The following MC2R variants were observed in gnomAD, a reference collection of about 807,000 sequenced individuals.
MC2R encodes adrenocorticotropic hormone receptor.
MC2R carries 9 observed loss-of-function variants against 9.8 expected under a neutral mutation model. The observed-to-expected ratio is 0.92, with a 90% CI of 0.55 to 1.60. The LOEUF is 1.60. MC2R is among the 40% of genes most tolerant of loss of function. The pLI, the probability that MC2R is intolerant of heterozygous loss-of-function variation, is 0.00. For missense variants in MC2R, 370 were observed against 389.0 expected, an observed-to-expected ratio of 0.95 and a Z score of 0.41; for synonymous variants, 185 against 154.7, an observed-to-expected ratio of 1.20 and a Z score of -1.45.
chr18:13,895,411 T>C (rs1219303062), intron 1 of MC2R, among the ~76,000 whole-genome samples: 1 of 152,186 alleles, frequency 6.6e-6, no homozygotes, highest in Non-Finnish European at 1.5e-5. Flanking sequence ...TGTCAAGTTC[T>C]GCAGAGTCCC....
At chr18:13,902,499 G>T (rs1367959511) in intron 1 of MC2R, among the ~76,000 whole-genome samples, 2 of 152,030 alleles carry the variant, frequency 1.3e-5, no homozygotes, top group African/African-American at 4.8e-5. Context: ...CAGACACATA[G>T]ACCAATGAAA....
intron 1 of MC2R, among the ~76,000 whole-genome samples, chr18:13,914,422 G>C (rs2045464577): frequency 6.6e-6 from 1 of 152,186 alleles, no homozygotes; most frequent in Admixed American, 6.5e-5. Flanking sequence ...TAAGGGTTCG[G>C]TACAGCTTGA....
chr18:13,906,223 C>T (rs1042297163), intron 1 of MC2R, among the ~76,000 whole-genome samples: 1 of 152,134 alleles, frequency 6.6e-6, no homozygotes, highest in Non-Finnish European at 1.5e-5. Flanking sequence ...ATATGGTACA[C>T]ATACATCATG....
At chr18:13,907,668 C>T (rs144366277) in intron 1 of MC2R, among the ~76,000 whole-genome samples, 125 of 152,270 alleles carry the variant, frequency 8.2e-4, no homozygotes, top group African/African-American at 2.8e-3. Context: ...GCTCAAACAA[C>T]TTAGCAGCAA....
chr18:13,895,664 A>G (rs927322743), intron 1 of MC2R, among the ~76,000 whole-genome samples: 4 of 152,210 alleles, frequency 2.6e-5, no homozygotes, highest in African/African-American at 9.6e-5. Flanking sequence ...AGGGGAGTGG[A>G]TACAGTCTAC....
intron 1 of MC2R, among the ~76,000 whole-genome samples, chr18:13,910,083 T>G (rs993301384): frequency 3.9e-5 from 6 of 152,246 alleles, no homozygotes; most frequent in African/African-American, 1.4e-4. Flanking sequence ...CATTTGGCGT[T>G]AAGTTTTTTC....
chr18:13,888,619 C>G (rs2045293345), intron 1 of MC2R, among the ~76,000 whole-genome samples: 1 of 152,184 alleles, frequency 6.6e-6, no homozygotes, highest in African/African-American at 2.4e-5. Context: ...AGACACAGCA[C>G]CCCCTACTCC....
At chr18:13,891,842 C>T (rs1311783343) in intron 1 of MC2R, among the ~76,000 whole-genome samples, 1 of 152,118 alleles carries the variant, frequency 6.6e-6, no homozygotes, top group Non-Finnish European at 1.5e-5. Flanking sequence ...GAGGGAGTGG[C>T]ATTTTCTCTT....
rs557191082 is a variant in MC2R, at chr18:13,886,761, G to A, written c.-128-1115C>T. 2.6e-5 allele frequency among the ~76,000 whole-genome samples: 4 copies of A among 152,314 alleles called. No individual in the cohort carries two copies. In the South Asian group the frequency reaches 8.3e-4, roughly 32 times the overall value. On this transcript the variant is annotated intron_variant, in intron 1 of 1. Coordinates refer to ENST00000327606, the MANE Select transcript of MC2R (RefSeq NM_000529.2). ...GGCAGTGCACCAGTGGGGAAAGCCAGCACCACGTGGCGAGGAAGACACTTC... is the reference window on the plus strand; with the variant it reads ...GGCAGTGCACCAGTGGGGAAAGCCAACACCACGTGGCGAGGAAGACACTTC...
intron 1 of MC2R, among the ~76,000 whole-genome samples, chr18:13,889,685 G>T (rs1373011757): frequency 1.3e-5 from 2 of 151,558 alleles, no homozygotes; most frequent in Admixed American, 1.3e-4. Context: ...CATCATCTTT[G>T]ACCAAAAAAA....
intron 1 of MC2R, among the ~76,000 whole-genome samples, chr18:13,904,475 C>G (rs1191176126): frequency 1.3e-5 from 2 of 151,778 alleles, no homozygotes; most frequent in Non-Finnish European, 2.9e-5. Flanking sequence ...AGCCTTTCCT[C>G]TAAGATCTAG....
Position 13,884,804 on chromosome 18 carries a change from C to A in MC2R, c.715G>T (p.Val239Phe). The part of the protein sequence containing the change: ...IFCWAPFVLH[V>F]LLMTFCPSNP... ...CTTGGGCAGAATGTCATCAAGAGGA[C>A]ATGAAGCACAAAGGGGGCCCAGCAG... Residue 239 changes from valine to phenylalanine, a missense_variant, in exon 2 of 2, where the codon GTC (valine) becomes TTC (phenylalanine). Val to Phe is a conservative substitution (Grantham distance 50, BLOSUM62 -1). Transcript: ENST00000327606. 6.2e-7 allele frequency: 1 copy of A among 1,613,966 alleles called. No individual in the cohort carries two copies. Among genetic ancestry groups the A allele is most frequent in the Non-Finnish European group, 8.5e-7 (1 of 1,180,010 alleles).
At chr18:13,889,008 C>A (rs2045296816) in intron 1 of MC2R, among the ~76,000 whole-genome samples, 1 of 152,204 alleles carries the variant, frequency 6.6e-6, no homozygotes, top group Non-Finnish European at 1.5e-5. Flanking sequence ...GCCCTTCCAC[C>A]TCCTTCCAGG....
chr18:13,902,102 T>A (rs1487999264), intron 1 of MC2R, among the ~76,000 whole-genome samples: 2 of 131,902 alleles, frequency 1.5e-5, no homozygotes, highest in African/African-American at 6.0e-5. Flanking sequence ...ATGCAACCAA[T>A]GCAAAATACA....
intron 1 of MC2R, among the ~76,000 whole-genome samples, chr18:13,914,465 C>T (rs1192024952): frequency 6.6e-6 from 1 of 152,192 alleles, no homozygotes; most frequent in Non-Finnish European, 1.5e-5. Flanking sequence ...GAGCCTGTGA[C>T]CACCGCTTCA....
At chr18:13,899,422 GAGAAAGAGATAAGGGTAGA>G (rs2045365643) in intron 1 of MC2R, among the ~76,000 whole-genome samples, 1 of 152,204 alleles carries the variant, frequency 6.6e-6, no homozygotes, top group African/African-American at 2.4e-5. Flanking sequence ...AGAGGAGATA[GAGAAAGAGATAAGGGTAGA>G]AAATTTATTT....
At chr18:13,900,765 T>G (rs2045374594) in intron 1 of MC2R, among the ~76,000 whole-genome samples, 1 of 152,106 alleles carries the variant, frequency 6.6e-6, no homozygotes, top group Non-Finnish European at 1.5e-5. Context: ...TTATTAGCAC[T>G]AAAGAGAGAG....
chr18:13,914,517 A>G (rs1288411409), intron 1 of MC2R, among the ~76,000 whole-genome samples: 2 of 151,002 alleles, frequency 1.3e-5, no homozygotes, highest in African/African-American at 4.9e-5. Context: ...TGTGAGGAGC[A>G]CTCCTCCTTC....
chr18:13,899,813 A>G (rs1249984606), intron 1 of MC2R, among the ~76,000 whole-genome samples: 1 of 152,164 alleles, frequency 6.6e-6, no homozygotes, highest in South Asian at 2.1e-4. Context: ...AACAAAAGCT[A>G]AGAGAGTTCA....
Sources: gnomAD v4.1 joint callset for allele counts (sites outside exome capture counted in the v4.1 genomes callset) on GRCh38, gnomAD v4.1.1 for gene constraint, MANE v1.5 for transcripts, NCBI Gene and HGNC (gene_info 2026-07-23, HGNC 2026-07-21) for gene names.